The following PCDHGB3 variants were observed in gnomAD, a reference collection of about 807,000 sequenced individuals.
The protein encoded by PCDHGB3 is protocadherin gamma subfamily B, 3.
In PCDHGB3, 40 loss-of-function variants were observed where a neutral mutation model predicts 59.2. That is an observed-to-expected ratio of 0.68 (90% CI 0.52 to 0.88). The LOEUF (loss-of-function observed/expected upper bound fraction) is 0.88. PCDHGB3 is among the 40% of genes least tolerant of loss of function. The pLI is 0.00. For missense variants in PCDHGB3, 1,309 were observed against 1,187.9 expected (o/e 1.10, Z -1.50); for synonymous variants, 581 against 503.6 (o/e 1.15, Z -2.06).
In PCDHGB3 at chr5:141,371,778, G is replaced by A. The variant is rs1305768606; in HGVS notation, c.1384G>A (p.Ala462Thr). Reference sequence around the variant, plus strand: ...CCAGGCCTCCTACACCGTGCATGTAGCTGAGAACAATCCGCCTGGAGCCTC... The same window carrying A: ...CCAGGCCTCCTACACCGTGCATGTAACTGAGAACAATCCGCCTGGAGCCTC... ...FHQASYTVHV[A>T]ENNPPGASIA... The change falls in exon 1 of 4, where the codon GCT becomes ACT. Residue 462 changes from alanine to threonine, a missense_variant. Coordinates refer to ENST00000576222, the MANE Select transcript of PCDHGB3 (RefSeq NM_018924.5). 1 of 1,614,002 alleles carries A rather than the reference G, an allele frequency of 6.2e-7. No individual in the cohort carries two copies. Among genetic ancestry groups the A allele is most frequent in the Non-Finnish European group, 8.5e-7 (1 of 1,179,904 alleles).
chr5:141,390,275 C>G, intron 1 of PCDHGB3: 1 of 1,613,976 alleles, frequency 6.2e-7, no homozygotes, highest in Non-Finnish European at 8.5e-7. Context: ...AATTGACTTC[C>G]CATCAGGTGA....
At chr5:141,380,964 T>G (rs774157943) in intron 1 of PCDHGB3, among the ~76,000 whole-genome samples, 7 of 152,256 alleles carry the variant, frequency 4.6e-5, no homozygotes, top group Non-Finnish European at 1.0e-4. Flanking sequence ...TCAAAAGTAC[T>G]ATTAAACAAA....
At position 141,476,973 on chromosome 5, in the gene PCDHGB3, A is replaced by C. The variant is rs1205314116; in HGVS notation, c.2416-17834A>C. Reference sequence around the variant, plus strand: ...GAAATTATTTACTCCTTCGGCAGCCACAACCGCGCCGGCGTGCGGCAACTA... The same window carrying C: ...GAAATTATTTACTCCTTCGGCAGCCCCAACCGCGCCGGCGTGCGGCAACTA... On this transcript the variant is annotated intron_variant, in intron 1 of 3. Coordinates refer to ENST00000576222, the MANE Select transcript of PCDHGB3 (RefSeq NM_018924.5). The surrounding 1 kb of genome is among the most constrained non-coding windows in gnomAD (Gnocchi z 7.6). 6.2e-7 allele frequency: 1 copy of C among 1,614,230 alleles called. No homozygotes were observed. The highest frequency in any genetic ancestry group is 2.2e-5 in the East Asian group (1 of 44,884).
At chr5:141,393,101 C>T (rs891971324) in intron 1 of PCDHGB3, 2 of 1,613,564 alleles carry the variant, frequency 1.2e-6, no homozygotes, top group Non-Finnish European at 1.7e-6. Flanking sequence ...AGGAGCTCTG[C>T]GCTCAGAGCC....
intron 1 of PCDHGB3, among the ~76,000 whole-genome samples, chr5:141,482,329 T>A (rs1334833454): frequency 6.6e-6 from 1 of 152,160 alleles, no homozygotes; most frequent in Non-Finnish European, 1.5e-5. Context: ...ATAAAGAGAA[T>A]ATCTACTTTG....
chr5:141,476,438 C>G lies in PCDHGB3; in HGVS notation c.2416-18369C>G. On this transcript the variant is annotated intron_variant, in intron 1 of 3. Coordinates refer to ENST00000576222, the MANE Select transcript of PCDHGB3 (RefSeq NM_018924.5). This position sits in a 1 kb window ranked among gnomAD's most constrained non-coding sequence, Gnocchi z 7.6. The stretch of plus-strand genomic sequence containing the variant: ...GACACTGCCCTCTTGCACTGTAACT[C>G]TGGAGTTGGTAGTGGAGAACCCGCT... 1 of 1,614,090 alleles carries G rather than the reference C, an allele frequency of 6.2e-7. No homozygotes were observed. Among genetic ancestry groups the G allele is most frequent in the Non-Finnish European group, 8.5e-7 (1 of 1,180,026 alleles).
rs2099745664 is a variant in PCDHGB3 at position 141,493,015 on chromosome 5, T to A, written c.2416-1792T>A. Among the ~76,000 whole-genome samples, 1 of 152,238 alleles carries A rather than the reference T, an allele frequency of 6.6e-6. No homozygotes were observed. The highest frequency in any genetic ancestry group is 1.5e-5 in the Non-Finnish European group (1 of 68,040). ...ATGGAAAGCTATAGGCTCTGCCAGA[T>A]GCCAGGGTGCCCTTATGTGTGAGGA... On this transcript the variant is annotated intron_variant, in intron 1 of 3. Transcript: ENST00000576222. The surrounding 1 kb of genome is among the most constrained non-coding windows in gnomAD (Gnocchi z 4.3).
In PCDHGB3 at chr5:141,375,737, G is replaced by C. The variant is rs373966789; in HGVS notation, c.2415+2928G>C. 19 of 1,614,262 alleles carry C rather than the reference G, an allele frequency of 1.2e-5. No homozygotes were observed. In the African/African-American group the frequency reaches 2.0e-4, roughly 17 times the overall value. Reference sequence around the variant, plus strand: ...CAGCAACGTGTCACTGAGCCTGTTTGTGCTGGACCAGAATGACAATGCGCC... The same window carrying C: ...CAGCAACGTGTCACTGAGCCTGTTTCTGCTGGACCAGAATGACAATGCGCC... On this transcript the variant is annotated intron_variant, in intron 1 of 3. Coordinates refer to ENST00000576222, the MANE Select transcript of PCDHGB3 (RefSeq NM_018924.5).
At chr5:141,439,190 C>CA (rs200519543) in intron 1 of PCDHGB3, among the ~76,000 whole-genome samples, 17,650 of 111,626 alleles carry the variant, frequency 0.16, 1,295 homozygotes, top group African/African-American at 0.25. Context: ...GAGACTCTGA[C>CA]AAAAAAAAAA....
At chr5:141,458,989 T>C (rs1341538997) in intron 1 of PCDHGB3, among the ~76,000 whole-genome samples, 1 of 152,134 alleles carries the variant, frequency 6.6e-6, no homozygotes, top group Non-Finnish European at 1.5e-5. Flanking sequence ...TGCCTCACCC[T>C]CCCAAAGTGC....
intron 2 of PCDHGB3, 107 bp from the exon 3 acceptor site, chr5:141,505,286 A>T: frequency 3.2e-6 from 5 of 1,551,278 alleles, no homozygotes; most frequent in Non-Finnish European, 4.4e-6. Flanking sequence ...GGTCTTGGGC[A>T]TGGGGTAGGG....
intron 1 of PCDHGB3, among the ~76,000 whole-genome samples, chr5:141,438,119 A>G (rs2097930168): frequency 6.6e-6 from 1 of 152,220 alleles, no homozygotes; most frequent in Non-Finnish European, 1.5e-5. Flanking sequence ...ATGCATTCCT[A>G]AAATATTAAT....
intron 1 of PCDHGB3, among the ~76,000 whole-genome samples, chr5:141,459,692 G>A (rs891511502): frequency 2.6e-5 from 4 of 152,134 alleles, no homozygotes; most frequent in African/African-American, 9.7e-5. Flanking sequence ...AAAGCGTTCC[G>A]CTTGCTACAT....
Position 141,487,819 on chromosome 5 carries a change from C to T in PCDHGB3, c.2416-6988C>T, listed in dbSNP as rs559702138. 28 of 1,285,530 alleles carry T rather than the reference C, an allele frequency of 2.2e-5. No homozygotes were observed. The highest frequency in any genetic ancestry group is 7.6e-5 in the East Asian group (3 of 39,466). 79.6% of individuals were successfully genotyped at this position (1,285,530 alleles called of 1,614,324 possible). ...AGTTGTCACAGTTTAGCATTGGGGG[C>T]GGGTCATGCCTATATCTGAGTAAGA... is the stretch of plus-strand genomic sequence containing the variant. On this transcript the variant is annotated intron_variant, in intron 1 of 3. Transcript: ENST00000576222. The surrounding 1 kb of genome is among the most constrained non-coding windows in gnomAD (Gnocchi z 5.0).
rs370704204 is a variant in PCDHGB3, at chr5:141,389,625, G to A, written c.2415+16816G>A. On this transcript the variant is annotated intron_variant, in intron 1 of 3. Coordinates refer to ENST00000576222, the MANE Select transcript of PCDHGB3 (RefSeq NM_018924.5). The stretch of plus-strand genomic sequence containing the variant: ...CTTCGATATGGTGCCGCACGCTGCA[G>A]AGCCTGGCTACTTGGTGACCAAGGT... 6 of 1,613,020 alleles carry A rather than the reference G, an allele frequency of 3.7e-6. No individual in the cohort carries two copies. The Admixed American group carries it at 5.0e-5, about 13-fold the overall frequency.
In PCDHGB3 at chr5:141,370,554, C is replaced by G; in HGVS notation, c.160C>G (p.Leu54Val). 2 of 1,613,894 alleles carry G rather than the reference C, an allele frequency of 1.2e-6. No homozygotes were observed. The highest frequency in any genetic ancestry group is 1.7e-6 in the Non-Finnish European group (2 of 1,179,874). The part of the protein sequence containing the change: ...GSLVGNLAKD[L>V]GFGVGDLPTR... The stretch of plus-strand genomic sequence containing the variant: ...GCTGGTAGGGAACCTCGCCAAGGAC[C>G]TGGGGTTTGGCGTGGGGGATTTACC... Residue 54 changes from leucine (L) to valine (V), a missense_variant, in exon 1 of 4, where the codon CTG (leucine) becomes GTG (valine). Coordinates refer to ENST00000576222, the MANE Select transcript of PCDHGB3 (RefSeq NM_018924.5).
rs2099691833 is a variant in PCDHGB3, at chr5:141,489,761, C to A, written c.2416-5046C>A. 8.1e-6 allele frequency: 13 copies of A among 1,614,102 alleles called. No individual in the cohort carries two copies. The highest frequency in any genetic ancestry group is 1.1e-5 in the Non-Finnish European group (13 of 1,179,962). ...ACTGTGAGCTTTTACACTCTAAGCCCCAACAGCCACTTCTCTCTGAATGTG... is the reference window on the plus strand; with the variant it reads ...ACTGTGAGCTTTTACACTCTAAGCCACAACAGCCACTTCTCTCTGAATGTG... On this transcript the variant is annotated intron_variant, in intron 1 of 3. Coordinates refer to ENST00000576222, the MANE Select transcript of PCDHGB3 (RefSeq NM_018924.5). The surrounding 1 kb of genome is among the most constrained non-coding windows in gnomAD (Gnocchi z 4.5).
At chr5:141,399,192 C>T (rs1561668217) in intron 1 of PCDHGB3, 1 of 1,613,846 alleles carries the variant, frequency 6.2e-7, no homozygotes, top group Non-Finnish European at 8.5e-7. Flanking sequence ...TTCTGGAAAA[C>T]GCGGTGCCTG....
rs754329108 is a variant in PCDHGB3 at position 141,408,309 on chromosome 5, C to T, written c.2415+35500C>T. 1.8e-5 allele frequency: 29 copies of T among 1,613,698 alleles called. No individual in the cohort carries two copies. The highest frequency in any genetic ancestry group is 2.0e-5 in the Non-Finnish European group (24 of 1,179,730). On this transcript the variant is annotated intron_variant, in intron 1 of 3. Transcript: ENST00000576222. ...ACCCTGAGTGAGCCGATCCGCTACT[C>T]GATTCCGGAGGAGCTGGCCAAGGGC...
Sources: gnomAD v4.1 joint callset for allele counts (sites outside exome capture counted in the v4.1 genomes callset) on GRCh38, gnomAD v4.1.1 for gene constraint, Gnocchi (gnomAD v3.1) non-coding constraint, MANE v1.5 for transcripts, NCBI Gene and HGNC (gene_info 2026-07-23, HGNC 2026-07-21) for gene names.